The following PABPC4L variants were observed in gnomAD, a reference collection of about 807,000 sequenced individuals.
The protein encoded by PABPC4L is polyadenylate-binding protein 4-like.
For synonymous variants in PABPC4L, 169 were observed against 164.1 expected, an observed-to-expected ratio of 1.03 and a Z score of -0.23; for missense variants, 452 against 451.4, an observed-to-expected ratio of 1.00 and a Z score of -0.01.
chr4:134,054,033 CA>C, the PABPC4L span, among the ~76,000 whole-genome samples: 4 of 151,368 alleles, frequency 2.6e-5, no homozygotes, highest in Non-Finnish European at 5.9e-5. Context: ...TGGTCATCTG[CA>C]GTACATTTCT....
chr4:134,109,162 G>T, the PABPC4L span, among the ~76,000 whole-genome samples: 2 of 151,932 alleles, frequency 1.3e-5, no homozygotes, highest in South Asian at 4.2e-4. Context: ...ATGCAAAAAA[G>T]TATGTATCAT....
At chr4:134,084,197 C>T in the PABPC4L span, among the ~76,000 whole-genome samples, 1 of 152,022 alleles carries the variant, frequency 6.6e-6, no homozygotes, top group Non-Finnish European at 1.5e-5. Flanking sequence ...TACAGGCTCA[C>T]AGCACCATGC....
chr4:134,149,531 A>T, the PABPC4L span, among the ~76,000 whole-genome samples: 1 of 152,168 alleles, frequency 6.6e-6, no homozygotes, highest in African/African-American at 2.4e-5. Flanking sequence ...TAGGGGTTGC[A>T]GCTCCTTTGA....
At chr4:134,039,973 CA>C in the PABPC4L span, among the ~76,000 whole-genome samples, 2 of 151,144 alleles carry the variant, frequency 1.3e-5, no homozygotes, top group Non-Finnish European at 1.5e-5. Flanking sequence ...ACAATTGCTA[CA>C]AAAAAAATAA....
the PABPC4L span, among the ~76,000 whole-genome samples, chr4:134,120,547 G>T: frequency 6.6e-6 from 1 of 150,784 alleles, no homozygotes; most frequent in East Asian, 1.9e-4. Context: ...GGCCGCTGGA[G>T]AAAATTTTTT....
At chr4:133,957,971 G>C in the PABPC4L span, among the ~76,000 whole-genome samples, 1 of 152,202 alleles carries the variant, frequency 6.6e-6, no homozygotes, top group Non-Finnish European at 1.5e-5. Flanking sequence ...CTGAGCTAGT[G>C]ATGAGAGGGG....
At chr4:134,024,923 AT>A in the PABPC4L span, among the ~76,000 whole-genome samples, 593 of 128,416 alleles carry the variant, frequency 4.6e-3, 2 homozygotes, top group Middle Eastern at 0.035. Flanking sequence ...TAATTATGTA[AT>A]TTTTTTTTTT....
the PABPC4L span, among the ~76,000 whole-genome samples, chr4:134,158,212 T>C: frequency 1.3e-5 from 2 of 152,026 alleles, no homozygotes; most frequent in Non-Finnish European, 2.9e-5. Context: ...GAAGTGATTA[T>C]CCTTTCCATA....
the PABPC4L span, among the ~76,000 whole-genome samples, chr4:133,982,281 C>T: frequency 1.3e-5 from 2 of 151,946 alleles, no homozygotes; most frequent in African/African-American, 4.8e-5. Context: ...TTATTTTGAG[C>T]ATCCTATTTA....
the PABPC4L span, among the ~76,000 whole-genome samples, chr4:134,119,582 T>C: frequency 6.6e-6 from 1 of 151,696 alleles, no homozygotes; most frequent in Non-Finnish European, 1.5e-5. Context: ...AACCTATTTA[T>C]ATTAAAATGT....
chr4:134,118,578 CT>C, the PABPC4L span, among the ~76,000 whole-genome samples: 1 of 151,400 alleles, frequency 6.6e-6, no homozygotes, highest in Non-Finnish European at 1.5e-5. Context: ...AATTTTTATC[CT>C]GTTTGACCAA....
the PABPC4L span, among the ~76,000 whole-genome samples, chr4:133,984,406 G>C: frequency 6.6e-6 from 1 of 151,764 alleles, no homozygotes; most frequent in African/African-American, 2.4e-5. Context: ...TGTTGAGTTA[G>C]ATCAGAAATG....
At chr4:134,066,761 T>C in the PABPC4L span, among the ~76,000 whole-genome samples, 4 of 152,274 alleles carry the variant, frequency 2.6e-5, no homozygotes, top group Middle Eastern at 3.4e-3. Flanking sequence ...AGAGGTTGAA[T>C]TTTACTAAAA....
chr4:134,160,453 T>G, the PABPC4L span, among the ~76,000 whole-genome samples: 68,910 of 151,984 alleles, frequency 0.45, 18,122 homozygotes, highest in East Asian at 0.98. Context: ...ACCACAGGAT[T>G]AAGTCAGAAC....
the PABPC4L span, among the ~76,000 whole-genome samples, chr4:134,042,540 C>T: frequency 2.0e-5 from 3 of 152,004 alleles, no homozygotes; most frequent in South Asian, 6.2e-4. Flanking sequence ...ATATAAAGAC[C>T]TCTATAGCTG....
chr4:134,055,611 C>A, the PABPC4L span, among the ~76,000 whole-genome samples: 1 of 148,414 alleles, frequency 6.7e-6, no homozygotes. Flanking sequence ...TGTGTCTCTT[C>A]ACTGAAATGT....
At chr4:133,977,110 C>T in the PABPC4L span, among the ~76,000 whole-genome samples, 2 of 151,944 alleles carry the variant, frequency 1.3e-5, no homozygotes, top group Non-Finnish European at 1.5e-5. Context: ...AGAAAGTGGT[C>T]CAGGTTTAAT....
chr4:134,062,091 G>A, the PABPC4L span, among the ~76,000 whole-genome samples: 2 of 151,204 alleles, frequency 1.3e-5, no homozygotes, highest in Admixed American at 6.6e-5. Flanking sequence ...GTTAAGATAG[G>A]AAATGTATGA....
At chr4:134,185,734 G>A in the PABPC4L span, among the ~76,000 whole-genome samples, 1 of 152,118 alleles carries the variant, frequency 6.6e-6, no homozygotes, top group South Asian at 2.1e-4. Context: ...TAGGAAAAGA[G>A]GAAGTCAAAT....
Sources: gnomAD v4.1 joint callset for allele counts (sites outside exome capture counted in the v4.1 genomes callset) on GRCh38, gnomAD v4.1.1 for gene constraint, MANE v1.5 for transcripts, NCBI Gene and HGNC (gene_info 2026-07-23, HGNC 2026-07-21) for gene names.